ARHGEF11: variants seen among roughly 807,000 people sequenced by gnomAD.
ARHGEF11 encodes Rho guanine nucleotide exchange factor 11, also known as Rho guanine exchange factor (GEF) 11.
Under a neutral mutation model 193.7 loss-of-function variants are expected in ARHGEF11, and 55 were observed. The ratio of observed to expected loss-of-function variants is 0.28; its 90% CI spans 0.23 to 0.36. The LOEUF (loss-of-function observed/expected upper bound fraction) is 0.36. ARHGEF11 is among the 10% of genes least tolerant of loss of function. The pLI, the probability that ARHGEF11 is intolerant of heterozygous loss-of-function variation, is 1.00. For synonymous variants in ARHGEF11, 693 were observed against 768.0 expected, an observed-to-expected ratio of 0.90 and a Z score of 1.62; for missense variants, 1,723 against 2,005.6, an observed-to-expected ratio of 0.86 and a Z score of 2.69.
chr1:156,969,527 C>T (rs908031933), intron 9 of ARHGEF11, among the ~76,000 whole-genome samples, 169 bp from the exon 10 acceptor site: 1 of 152,128 alleles, frequency 6.6e-6, no homozygotes, highest in African/African-American at 2.4e-5. Context: ...GGACACTTCC[C>T]GGCACACCTC....
intron 17 of ARHGEF11, 66 bp from the exon 18 acceptor site, chr1:156,957,881 C>G (rs1660196557): frequency 1.3e-6 from 2 of 1,551,146 alleles, no homozygotes; most frequent in Non-Finnish European, 1.8e-6. Flanking sequence ...TGGTTAGAGG[C>G]TAGGAGGAGG....
intron 1 of ARHGEF11, among the ~76,000 whole-genome samples, chr1:156,995,557 TTC>T (rs1453056011): frequency 6.7e-6 from 1 of 150,280 alleles, no homozygotes; most frequent in Admixed American, 6.6e-5. Context: ...CCTTTTCTTC[TTC>T]TTTTTTTTTT....
intron 1 of ARHGEF11, among the ~76,000 whole-genome samples, chr1:157,014,957 G>C (rs1168702596): frequency 6.6e-6 from 1 of 151,950 alleles, no homozygotes; most frequent in African/African-American, 2.4e-5. Flanking sequence ...TAGATTTCAG[G>C]CTCCATATGG....
chr1:157,011,134 T>C (rs1320654470), intron 1 of ARHGEF11, among the ~76,000 whole-genome samples: 1 of 152,210 alleles, frequency 6.6e-6, no homozygotes, highest in Non-Finnish European at 1.5e-5. Context: ...GCGACTGGCA[T>C]AAGGATAGAC....
intron 1 of ARHGEF11, among the ~76,000 whole-genome samples, chr1:156,995,779 A>G (rs1666400307): frequency 6.6e-6 from 1 of 151,538 alleles, no homozygotes; most frequent in African/African-American, 2.4e-5. Context: ...CCTGGGCACA[A>G]GGGATCCTCA....
At position 157,015,461 on chromosome 1, in the gene ARHGEF11, C is replaced by T. The variant is rs972003331; in HGVS notation, c.32+28838G>A. Among the ~76,000 whole-genome samples, 4 of 152,186 alleles carry T rather than the reference C, an allele frequency of 2.6e-5. No homozygotes were observed. In the South Asian group the frequency reaches 6.2e-4, roughly 24 times the overall value. On this transcript the variant is annotated intron_variant, in intron 1 of 40. Transcript: ENST00000368194. ...TATTTATCAAACAAACAAGCAACCC[C>T]ACTCTCCTCCCCTGGCTGGGTTATC... is the stretch of plus-strand genomic sequence containing the variant.
chr1:156,943,802 G>C, intron 32 of ARHGEF11, 133 bp downstream of exon 32: 2 of 1,164,558 alleles, frequency 1.7e-6, no homozygotes. Context: ...CTTAGGCTGG[G>C]TCAGGACAGG....
chr1:157,039,631 C>CAAAAGAAGGAACACCACAATCCACAGCA (rs1309452740), intron 1 of ARHGEF11, among the ~76,000 whole-genome samples: 1 of 151,972 alleles, frequency 6.6e-6, no homozygotes, highest in Non-Finnish European at 1.5e-5. Flanking sequence ...TAGTGATTGA[C>CAAAAGAAGGAACACCACAATCCACAGCA]AAAAGAAGGA....
chr1:156,987,805 G>A (rs183328296), intron 1 of ARHGEF11, among the ~76,000 whole-genome samples: 24 of 152,224 alleles, frequency 1.6e-4, no homozygotes, highest in Admixed American at 1.3e-3. Flanking sequence ...AGAGAGCAAC[G>A]CAGGACAGGA....
At chr1:157,025,768 G>A (rs1228053347) in intron 1 of ARHGEF11, among the ~76,000 whole-genome samples, 2 of 152,094 alleles carry the variant, frequency 1.3e-5, no homozygotes, top group African/African-American at 4.8e-5. Context: ...AAGCTGGAAA[G>A]ATCTGTCAAA....
intron 1 of ARHGEF11, among the ~76,000 whole-genome samples, chr1:157,006,372 T>C (rs920799956): frequency 2.6e-5 from 4 of 152,210 alleles, no homozygotes; most frequent in Non-Finnish European, 1.5e-5. Flanking sequence ...AGGGCCAGTT[T>C]AATTAGATGA....
chr1:156,956,650 G>A lies in ARHGEF11; in HGVS notation c.1527-86C>T, dbSNP rs1054117922. The A allele has an allele frequency of 2.6e-6, 4 of 1,563,400 alleles. No individual in the cohort carries two copies. The Admixed American group carries it at 5.4e-5, about 21-fold the overall frequency. On this transcript the variant is annotated intron_variant, in intron 18 of 40. Transcript: ENST00000368194. Reference sequence around the variant, plus strand: ...AATCTCTTCACCACCACGCAGTGGAGTGGGGAAGGGGTAGTTACAGGTGAA... The same window carrying A: ...AATCTCTTCACCACCACGCAGTGGAATGGGGAAGGGGTAGTTACAGGTGAA...
At chr1:156,939,005 G>C in intron 37 of ARHGEF11, 1 of 182,650 alleles carries the variant, frequency 5.5e-6, no homozygotes, top group Non-Finnish European at 1.1e-5. Context: ...TCCCAACCCG[G>C]GGTGCCCTCC....
At chr1:157,026,530 G>T (rs1410435249) in intron 1 of ARHGEF11, among the ~76,000 whole-genome samples, 1 of 152,178 alleles carries the variant, frequency 6.6e-6, no homozygotes, top group East Asian at 1.9e-4. Flanking sequence ...CTGTAGAAGA[G>T]ATTTCATCAA....
rs1660892371 is a variant in ARHGEF11, at chr1:156,961,778, A to G, written c.1141-3T>C. 6.2e-7 allele frequency: 1 copy of G among 1,613,812 alleles called. No homozygotes were observed. The highest frequency in any genetic ancestry group is 1.3e-5 in the African/African-American group (1 of 74,918). On this transcript the variant is annotated splice_region_variant and splice_polypyrimidine_tract_variant and intron_variant, in intron 13 of 40. Coordinates refer to ENST00000368194, the MANE Select transcript of ARHGEF11 (RefSeq NM_198236.3). The stretch of plus-strand genomic sequence containing the variant: ...ACTTCTGCACACAGGTAAAAAAGCT[A>G]GGAGGAGAGAGAACTGGGTTAGAGC...
chr1:156,996,637 G>A (rs1666532761), intron 1 of ARHGEF11, among the ~76,000 whole-genome samples: 1 of 151,672 alleles, frequency 6.6e-6, no homozygotes, highest in African/African-American at 2.4e-5. Context: ...GCCGGGCGTG[G>A]TAGCGGGCGC....
At chr1:156,981,637 C>T (rs1362553363) in intron 3 of ARHGEF11, among the ~76,000 whole-genome samples, 2 of 151,836 alleles carry the variant, frequency 1.3e-5, no homozygotes, top group Non-Finnish European at 2.9e-5. Context: ...CCAACACATG[C>T]TAATTTTTGT....
intron 35 of ARHGEF11, 142 bp from the exon 36 acceptor site, chr1:156,940,567 C>G: frequency 1.5e-6 from 1 of 650,790 alleles, no homozygotes; most frequent in East Asian, 2.9e-5. Context: ...ATGGCCAGCA[C>G]TGTCCCAGGC....
At chr1:156,943,065 C>T (rs959039870) in intron 32 of ARHGEF11, among the ~76,000 whole-genome samples, 1 of 140,482 alleles carries the variant, frequency 7.1e-6, no homozygotes, top group Non-Finnish European at 1.5e-5. Flanking sequence ...AGTTATAAAA[C>T]TTTTTTTTTT....
Sources: allele counts gnomAD v4.1 joint callset (sites outside exome capture counted in the v4.1 genomes callset), GRCh38; gene constraint gnomAD v4.1.1; transcripts MANE v1.5; gene names NCBI Gene and HGNC (gene_info 2026-07-23, HGNC 2026-07-21).